Variants in KCNMA1 observed in about 807,000 individuals in gnomAD.
KCNMA1 encodes Calcium-activated potassium channel subunit alpha-1.
A neutral mutation model predicts 140.0 loss-of-function variants in KCNMA1; 29 were observed. The ratio of observed to expected loss-of-function variants is 0.21; its 90% CI spans 0.15 to 0.28. KCNMA1 has a LOEUF of 0.28. Ranked by LOEUF, KCNMA1 falls within the 10% of genes least tolerant of loss-of-function variation. KCNMA1 has a pLI of 1.00. For missense variants in KCNMA1, 880 were observed against 1,602.2 expected (o/e 0.55, Z 7.70); for synonymous variants, 612 against 611.9 (o/e 1.00, Z 0.00).
intron 9 of KCNMA1, among the ~76,000 whole-genome samples, chr10:77,097,383 C>T (rs1459733619): frequency 1.3e-5 from 2 of 152,188 alleles, no homozygotes; most frequent in African/African-American, 2.4e-5. Flanking sequence ...GCTGCCTCAT[C>T]CCTCCACCCT....
At chr10:77,065,115 T>C (rs1266406854) in intron 14 of KCNMA1, among the ~76,000 whole-genome samples, 1 of 152,152 alleles carries the variant, frequency 6.6e-6, no homozygotes, top group Non-Finnish European at 1.5e-5. Flanking sequence ...GATGCATTCA[T>C]TTACTCCACA....
chr10:77,007,708 A>G (rs1784308775), intron 18 of KCNMA1, among the ~76,000 whole-genome samples: 1 of 136,266 alleles, frequency 7.3e-6, no homozygotes, highest in South Asian at 2.4e-4. Context: ...TATGTGGCAT[A>G]TGTGTTTCCT....
At chr10:77,361,251 G>GTCA (rs2093924343) in intron 2 of KCNMA1, among the ~76,000 whole-genome samples, 2 of 152,082 alleles carry the variant, frequency 1.3e-5, no homozygotes, top group Non-Finnish European at 2.9e-5. Flanking sequence ...GATCGTCATC[G>GTCA]TCATCATCAT....
rs200341223 is a variant in KCNMA1 at position 76,885,196 on chromosome 10, T to C, written c.*2070A>G. 1.1e-5 allele frequency: 7 copies of C among 653,718 alleles called. No homozygotes were observed. The highest frequency in any genetic ancestry group is 1.4e-5 in the Non-Finnish European group (7 of 515,942). The allele number at this position is 653,718 out of a possible 1,614,324, so 40.5% of individuals were successfully genotyped here. On this transcript the variant is annotated 3_prime_UTR_variant, in exon 28 of 28. Transcript: ENST00000286628. ...TCATGATCCAATACTAGGGGATACA[T>C]ATATATAGTTATATATATAGTTATA... is the stretch of plus-strand genomic sequence containing the variant.
At chr10:77,024,373 TAC>T (rs1346657254) in intron 16 of KCNMA1, among the ~76,000 whole-genome samples, 1 of 151,746 alleles carries the variant, frequency 6.6e-6, no homozygotes, top group Non-Finnish European at 1.5e-5. Context: ...TGGAAAAAGA[TAC>T]AGACAAATAC....
intron 5 of KCNMA1, among the ~76,000 whole-genome samples, chr10:77,129,042 C>T (rs961777878): frequency 2.0e-5 from 3 of 152,200 alleles, no homozygotes; most frequent in Admixed American, 2.0e-4. Flanking sequence ...AGGCCTGCTT[C>T]CCACCAGATT....
At chr10:77,252,180 A>T (rs1032341311) in intron 2 of KCNMA1, among the ~76,000 whole-genome samples, 4 of 152,348 alleles carry the variant, frequency 2.6e-5, no homozygotes, top group Non-Finnish European at 5.9e-5. Flanking sequence ...TAGAATGAAT[A>T]TGTAGCAGAT....
intron 24 of KCNMA1, chr10:76,912,933 C>T (rs2050959431): frequency 6.6e-6 from 1 of 152,102 alleles, no homozygotes; most frequent in African/African-American, 2.4e-5. Flanking sequence ...AAAAAGATAC[C>T]CCTCCTATGG....
intron 1 of KCNMA1, among the ~76,000 whole-genome samples, chr10:77,465,259 G>A (rs1164533442): frequency 6.6e-6 from 1 of 152,190 alleles, no homozygotes; most frequent in East Asian, 1.9e-4. Flanking sequence ...ACTTAAGGCT[G>A]GAGATTCAAC....
chr10:76,985,328 CACTT>C (rs1394717343), intron 19 of KCNMA1, among the ~76,000 whole-genome samples: 2 of 152,190 alleles, frequency 1.3e-5, no homozygotes. Flanking sequence ...ACAACTTAAT[CACTT>C]ACATAAAAAT....
intron 2 of KCNMA1, among the ~76,000 whole-genome samples, chr10:77,344,013 C>A (rs1207238658): frequency 6.6e-6 from 1 of 152,218 alleles, no homozygotes. Context: ...ACCCTGGAAG[C>A]CACAGTCTCT....
chr10:77,387,786 T>G, intron 2 of KCNMA1, among the ~76,000 whole-genome samples: 1 of 151,964 alleles, frequency 6.6e-6, no homozygotes, highest in Admixed American at 6.6e-5. Flanking sequence ...CTCAGCTAAT[T>G]TTTACATTTT....
At chr10:77,530,839 A>AT (rs1451970899) in intron 1 of KCNMA1, among the ~76,000 whole-genome samples, 1 of 152,044 alleles carries the variant, frequency 6.6e-6, no homozygotes, top group Non-Finnish European at 1.5e-5. Flanking sequence ...AATTGTCTCG[A>AT]TTTTTTCAAA....
chr10:77,266,374 C>G (rs1778279886), intron 2 of KCNMA1, among the ~76,000 whole-genome samples: 1 of 152,128 alleles, frequency 6.6e-6, no homozygotes, highest in South Asian at 2.1e-4. Flanking sequence ...AGAACAGCTC[C>G]CTTTGTCCAG....
intron 1 of KCNMA1, among the ~76,000 whole-genome samples, chr10:77,535,648 C>T (rs1246540905): frequency 6.6e-6 from 1 of 152,154 alleles, no homozygotes; most frequent in Non-Finnish European, 1.5e-5. Context: ...CCTGAGTGTC[C>T]ATCAATGAAC....
intron 1 of KCNMA1, among the ~76,000 whole-genome samples, chr10:77,583,743 G>T (rs1382461333): frequency 6.6e-6 from 1 of 152,128 alleles, no homozygotes; most frequent in Admixed American, 6.5e-5. Context: ...GTGGTTTGGG[G>T]CTTCAACCTT....
At chr10:76,945,015 C>CAGAG in intron 22 of KCNMA1, 50 bp from the exon 23 acceptor site, 2 of 1,415,800 alleles carry the variant, frequency 1.4e-6, no homozygotes, top group Non-Finnish European at 2.0e-6. Flanking sequence ...GAGAAAGAGA[C>CAGAG]AGAGAGAGAG....
intron 25 of KCNMA1, among the ~76,000 whole-genome samples, chr10:76,893,288 T>C (rs1564748547): frequency 1.3e-5 from 2 of 152,182 alleles, no homozygotes; most frequent in Non-Finnish European, 2.9e-5. Context: ...TGGCCTCATA[T>C]CAGAGACATG....
chr10:77,554,970 A>G (rs1321240660), intron 1 of KCNMA1, among the ~76,000 whole-genome samples: 4 of 152,116 alleles, frequency 2.6e-5, no homozygotes, highest in Admixed American at 2.6e-4. Flanking sequence ...TCATAATATG[A>G]AAGTGACTTC....
Sources: allele counts gnomAD v4.1 joint callset (sites outside exome capture counted in the v4.1 genomes callset), GRCh38; gene constraint gnomAD v4.1.1; transcripts MANE v1.5; gene names NCBI Gene and HGNC (gene_info 2026-07-23, HGNC 2026-07-21).